The following DENND5B variants were observed in gnomAD, a reference collection of about 807,000 sequenced individuals.
The protein encoded by DENND5B is DENN domain-containing protein 5B.
DENND5B carries 34 observed loss-of-function variants against 140.6 expected under a neutral mutation model. That is an observed-to-expected ratio of 0.24 (90% CI 0.18 to 0.32). The LOEUF (loss-of-function observed/expected upper bound fraction) is 0.32. DENND5B is among the 10% of genes least tolerant of loss of function. The pLI, the probability that DENND5B is intolerant of heterozygous loss-of-function variation, is 1.00. For missense variants in DENND5B, 1,142 were observed against 1,560.2 expected, an observed-to-expected ratio of 0.73 and a Z score of 4.52; for synonymous variants, 551 against 562.1, an observed-to-expected ratio of 0.98 and a Z score of 0.28.
intron 1 of DENND5B, among the ~76,000 whole-genome samples, chr12:31,582,742 C>T (rs1950247751): frequency 6.6e-6 from 1 of 152,188 alleles, no homozygotes; most frequent in African/African-American, 2.4e-5. Context: ...CCTTTAATAT[C>T]TTTCCCATAT....
intron 1 of DENND5B, among the ~76,000 whole-genome samples, chr12:31,584,921 T>G (rs1950345329): frequency 6.6e-6 from 1 of 150,654 alleles, no homozygotes; most frequent in Non-Finnish European, 1.5e-5. Flanking sequence ...CATCTACTTC[T>G]GGTGAGAGCT....
At chr12:31,590,331 C>CGGGT (rs1440382417) in intron 1 of DENND5B, 2 of 157,356 alleles carry the variant, frequency 1.3e-5, no homozygotes, top group Non-Finnish European at 2.8e-5. Context: ...GGGTGGCTGG[C>CGGGT]GGGTGGGAGG....
chr12:31,530,234 G>A (rs1948234841), intron 1 of DENND5B, among the ~76,000 whole-genome samples: 1 of 152,124 alleles, frequency 6.6e-6, no homozygotes, highest in Admixed American at 6.5e-5. Flanking sequence ...TTAGCTGGGC[G>A]TGGTGGCCCA....
intron 1 of DENND5B, among the ~76,000 whole-genome samples, chr12:31,529,820 A>T (rs1948221010): frequency 6.6e-6 from 1 of 152,174 alleles, no homozygotes; most frequent in Non-Finnish European, 1.5e-5. Flanking sequence ...CATTTTTAAA[A>T]CACAGAGTGA....
Position 31,521,853 on chromosome 12 carries a change from C to T in DENND5B, c.128-25934G>A, listed in dbSNP as rs139412845. Among the ~76,000 whole-genome samples, 1,370 of 152,330 alleles carry T rather than the reference C, an allele frequency of 9.0e-3. 24 individuals are homozygous for T. The highest frequency in any genetic ancestry group is 0.03 in the African/African-American group (1,265 of 41,558). On this transcript the variant is annotated intron_variant, in intron 1 of 20. Coordinates refer to ENST00000389082, the MANE Select transcript of DENND5B (RefSeq NM_144973.4). Reference sequence around the variant, plus strand: ...GCCTCCCTATCAACCAGACTCCATACTATTGCCAAAATCATCTTCTTAATA... The same window carrying T: ...GCCTCCCTATCAACCAGACTCCATATTATTGCCAAAATCATCTTCTTAATA...
At chr12:31,554,688 G>T (rs1259394) in intron 1 of DENND5B, among the ~76,000 whole-genome samples, 1 of 152,210 alleles carries the variant, frequency 6.6e-6, no homozygotes, top group African/African-American at 2.4e-5. Flanking sequence ...GTCACTTTCA[G>T]GTACACCAAT....
intron 17 of DENND5B, among the ~76,000 whole-genome samples, chr12:31,394,239 T>C (rs1011698607): frequency 6.6e-6 from 1 of 152,086 alleles, no homozygotes; most frequent in East Asian, 1.9e-4. Context: ...ATAAAACTGA[T>C]TTTAAAAATT....
chr12:31,565,657 T>C (rs1002845587), intron 1 of DENND5B, among the ~76,000 whole-genome samples: 2 of 152,230 alleles, frequency 1.3e-5, no homozygotes, highest in African/African-American at 4.8e-5. Flanking sequence ...TGGGCTCTTT[T>C]ACACATGAGA....
At chr12:31,552,935 C>T (rs918978847) in intron 1 of DENND5B, among the ~76,000 whole-genome samples, 9 of 151,860 alleles carry the variant, frequency 5.9e-5, no homozygotes, top group African/African-American at 9.7e-5. Context: ...TTTTTTATTG[C>T]GCCTATTTGA....
At chr12:31,389,924 A>G (rs1216298133) in intron 19 of DENND5B, among the ~76,000 whole-genome samples, 1 of 152,164 alleles carries the variant, frequency 6.6e-6, no homozygotes, top group African/African-American at 2.4e-5. Context: ...ATGTACCTGA[A>G]TAAGTACCTG....
chr12:31,471,636 C>G (rs542878291), intron 3 of DENND5B, among the ~76,000 whole-genome samples: 11 of 151,996 alleles, frequency 7.2e-5, no homozygotes, highest in African/African-American at 2.7e-4. Flanking sequence ...AGTATGAAGT[C>G]TCATTTTATA....
At chr12:31,394,878 G>A (rs1260963083) in intron 17 of DENND5B, among the ~76,000 whole-genome samples, 1 of 152,080 alleles carries the variant, frequency 6.6e-6, no homozygotes, top group Non-Finnish European at 1.5e-5. Context: ...CTCCCAAAGT[G>A]CTGTATTACA....
chr12:31,383,013 T>C lies in DENND5B; in HGVS notation c.*4590A>G, dbSNP rs924962491. On this transcript the variant is annotated 3_prime_UTR_variant, in exon 21 of 21. Transcript: ENST00000389082. ...TATAAGAAACAGACTTCAAAAGACA[T>C]GGATGACTTGGAAATAGGATTCACT... 4 of 152,144 alleles carry C rather than the reference T, an allele frequency of 2.6e-5. No homozygotes were observed. The allele number at this position is 152,144 out of a possible 1,614,324, so 9.4% of individuals were successfully genotyped here. A position where few individuals can be genotyped will look rare whatever the true frequency, so the allele number is the denominator to read the frequency against.
intron 3 of DENND5B, chr12:31,477,833 T>C (rs913297082): frequency 5.5e-5 from 12 of 217,596 alleles, no homozygotes; most frequent in African/African-American, 2.6e-4. Context: ...AATGCAAAAC[T>C]GAAAGTGGTT....
At chr12:31,501,337 G>A (rs7295154) in intron 1 of DENND5B, among the ~76,000 whole-genome samples, 1 of 152,056 alleles carries the variant, frequency 6.6e-6, no homozygotes, top group Non-Finnish European at 1.5e-5. Context: ...CGCCACAATT[G>A]TAAGTTTCCT....
intron 1 of DENND5B, among the ~76,000 whole-genome samples, chr12:31,554,873 G>A (rs916639661): frequency 2.8e-4 from 42 of 152,226 alleles, no homozygotes; most frequent in African/African-American, 8.9e-4. Context: ...TTCTGCATTC[G>A]TCACGTAGCT....
Position 31,398,240 on chromosome 12 carries a change from G to A in DENND5B, c.3191C>T (p.Pro1064Leu). ...AGCCGTGGTGGGTGACTTCTGCTGG[G>A]GTGGAGTCCGACACTGCTTTACTAG... ...EDLVKQCRTPPQQKSPTTARR... is the reference protein window; with the variant it reads ...EDLVKQCRTPLQQKSPTTARR... The change falls in exon 17 of 21, where the codon CCC (proline) becomes CTC (leucine). Residue 1064 changes from proline (P) to leucine (L), a missense_variant. Pro to Leu is a moderately conservative substitution (Grantham distance 98). Transcript: ENST00000389082. 1 of 1,602,566 alleles carries A rather than the reference G, an allele frequency of 6.2e-7. No individual in the cohort carries two copies. Among genetic ancestry groups the A allele is most frequent in the Non-Finnish European group, 8.5e-7 (1 of 1,174,606 alleles).
rs565557492 is a variant in DENND5B, at chr12:31,549,074, T to A, written c.127+41632A>T. On this transcript the variant is annotated intron_variant, in intron 1 of 20. Transcript: ENST00000389082. ...CTATACCTGGCTAATTCTTTAAAAA[T>A]TTTTTTAGAGACACGAAGTCTCGCT... Among the ~76,000 whole-genome samples, 191 of 152,200 alleles carry A rather than the reference T, an allele frequency of 1.3e-3. 1 individual carries two copies. Among genetic ancestry groups the A allele is most frequent in the Middle Eastern group, 3.4e-3 (1 of 294 alleles).
intron 1 of DENND5B, among the ~76,000 whole-genome samples, chr12:31,563,077 A>G (rs1949529412): frequency 6.6e-6 from 1 of 152,174 alleles, no homozygotes; most frequent in Admixed American, 6.5e-5. Context: ...AAAGGTGGCA[A>G]ATGAGTTCTA....
Sources: gnomAD v4.1 joint callset for allele counts (sites outside exome capture counted in the v4.1 genomes callset) on GRCh38, gnomAD v4.1.1 for gene constraint, MANE v1.5 for transcripts, NCBI Gene and HGNC (gene_info 2026-07-23, HGNC 2026-07-21) for gene names.